NTMT1: variants seen among roughly 807,000 people sequenced by gnomAD.
NTMT1 encodes the protein N-terminal RCC1 methyltransferase.
In NTMT1, 8 loss-of-function variants were observed where a neutral mutation model predicts 17.5. The observed-to-expected ratio is 0.46, with a 90% confidence interval of 0.27 to 0.82. The LOEUF is 0.82. Among genes scored for constraint, NTMT1 ranks in the 40% least tolerant of loss-of-function variants. NTMT1 has a pLI of 0.15. For synonymous variants in NTMT1, 128 were observed against 126.8 expected (o/e 1.01, Z -0.06); for missense variants, 221 against 303.5 (o/e 0.73, Z 2.02).
In NTMT1 at chr9:129,613,613, C is replaced by G; in HGVS notation, c.-55+4435C>G. 6.2e-7 allele frequency: 1 copy of G among 1,613,902 alleles called. No homozygotes were observed. Among genetic ancestry groups the G allele is most frequent in the Non-Finnish European group, 8.5e-7 (1 of 1,179,954 alleles). Reference sequence around the variant, plus strand: ...CTCTGTTGGACTGCAGGAAAGAGGGCAGGGTGAGATCTCTGCCCAGGAGGA... The same window carrying G: ...CTCTGTTGGACTGCAGGAAAGAGGGGAGGGTGAGATCTCTGCCCAGGAGGA... On this transcript the variant is annotated intron_variant, in intron 1 of 3. Transcript: ENST00000372486. This position sits in a 1 kb window ranked among gnomAD's most constrained non-coding sequence, Gnocchi z 6.2.
At chr9:129,625,385 G>GA (rs1475657920), upstream of NTMT1, among the ~76,000 whole-genome samples, 1 of 152,156 alleles carries the variant, frequency 6.6e-6, no homozygotes, top group African/African-American at 2.4e-5. Context: ...GGGTGGATTT[G>GA]AGGACCAATG....
In NTMT1 at chr9:129,632,744, C is replaced by T. The variant is rs760964778; in HGVS notation, c.41C>T (p.Ser14Phe). The T allele has an allele frequency of 4.3e-6, 7 of 1,614,156 alleles. No homozygotes were observed. Among genetic ancestry groups the T allele is most frequent in the Non-Finnish European group, 5.9e-6 (7 of 1,180,032 alleles). ...ATAGAAGACGAGAAGCAATTCTATT[C>T]CAAGGCCAAGACCTACTGGAAACAA... is the stretch of plus-strand genomic sequence containing the variant. The part of the protein sequence containing the change: ...EVIEDEKQFY[S>F]KAKTYWKQIP... Residue 14 changes from serine to phenylalanine, a missense_variant, in exon 2 of 4, where the codon TCC becomes TTC. Ser to Phe is a radical substitution (Grantham distance 155, BLOSUM62 -2). Transcript: ENST00000372483.
At chr9:129,617,884 A>G (rs955216317) in intron 1 of NTMT1, among the ~76,000 whole-genome samples, 1 of 152,080 alleles carries the variant, frequency 6.6e-6, no homozygotes, top group Non-Finnish European at 1.5e-5. Context: ...GGGTTTCACC[A>G]TGTTACCAAG....
intron 1 of NTMT1, among the ~76,000 whole-genome samples, chr9:129,628,882 C>A (rs534409165): frequency 6.6e-6 from 1 of 152,222 alleles, no homozygotes; most frequent in Non-Finnish European, 1.5e-5. Flanking sequence ...GAATACAAAA[C>A]CTTCAGTTTG....
intron 1 of NTMT1, among the ~76,000 whole-genome samples, chr9:129,626,880 G>A (rs1171811593): frequency 6.6e-6 from 1 of 152,218 alleles, no homozygotes; most frequent in African/African-American, 2.4e-5. Flanking sequence ...CCAACTGTGT[G>A]ATCTCTCCCT....
chr9:129,631,500 TTCTC>T (rs1831162520), intron 1 of NTMT1, among the ~76,000 whole-genome samples: 1 of 152,280 alleles, frequency 6.6e-6, no homozygotes, highest in East Asian at 1.9e-4. Flanking sequence ...GGCTTTCTAG[TTCTC>T]TCTCCTTCTA....
intron 3 of NTMT1, 176 bp from the exon 4 acceptor site, chr9:129,635,032 C>G (rs1831448313): frequency 2.8e-6 from 2 of 719,978 alleles, no homozygotes; most frequent in Non-Finnish European, 4.5e-6. Context: ...CCACAGTTTC[C>G]TATTCTATGA....
Position 129,613,544 on chromosome 9 carries a change from G to A in NTMT1, c.-55+4366G>A, listed in dbSNP as rs150697927. ...CGTTTTCCGACACTCCCAAACACCCGCTCGGACGCCACTGGCAGGGCGGCC... is the reference window on the plus strand; with the variant it reads ...CGTTTTCCGACACTCCCAAACACCCACTCGGACGCCACTGGCAGGGCGGCC... On this transcript the variant is annotated intron_variant, in intron 1 of 3. Coordinates refer to the NTMT1 transcript ENST00000372486. This position sits in a 1 kb window ranked among gnomAD's most constrained non-coding sequence, Gnocchi z 6.2. The A allele has an allele frequency of 8.1e-6, 13 of 1,614,134 alleles. No homozygotes were observed. The highest frequency in any genetic ancestry group is 4.4e-5 in the South Asian group (4 of 91,086).
At chr9:129,622,714 A>G (rs1412723341), upstream of NTMT1, among the ~76,000 whole-genome samples, 1 of 151,952 alleles carries the variant, frequency 6.6e-6, no homozygotes, top group Non-Finnish European at 1.5e-5. Context: ...TACACAGATC[A>G]TTTGAGACTC....
At chr9:129,622,260 A>C (rs372499057), upstream of NTMT1, among the ~76,000 whole-genome samples, 12 of 152,336 alleles carry the variant, frequency 7.9e-5, no homozygotes, top group South Asian at 2.5e-3. Flanking sequence ...TGGGAGGCCG[A>C]GGCGGGCGGA....
intron 1 of NTMT1, among the ~76,000 whole-genome samples, chr9:129,611,043 T>C (rs1442214880): frequency 6.6e-6 from 1 of 152,160 alleles, no homozygotes; most frequent in Non-Finnish European, 1.5e-5. Flanking sequence ...AGAGTTTGTC[T>C]AAACTAACCC....
intron 1 of NTMT1, among the ~76,000 whole-genome samples, chr9:129,632,249 G>C (rs1045376493): frequency 1.3e-5 from 2 of 152,154 alleles, no homozygotes; most frequent in Non-Finnish European, 2.9e-5. Context: ...AGGACTTCAA[G>C]ACCAACCTTT....
upstream of NTMT1, among the ~76,000 whole-genome samples, chr9:129,623,037 A>T (rs1433556903): frequency 1.3e-5 from 2 of 150,832 alleles, no homozygotes; most frequent in African/African-American, 4.9e-5. Flanking sequence ...TCCATAAAAA[A>T]AAAAAGAAAG....
At chr9:129,619,196 C>T (rs955892793) in intron 1 of NTMT1, among the ~76,000 whole-genome samples, 1 of 151,988 alleles carries the variant, frequency 6.6e-6, no homozygotes, top group Non-Finnish European at 1.5e-5. Context: ...GATTCATGAA[C>T]GGGTTGTAGA....
chr9:129,611,611 C>T (rs1830116902), intron 1 of NTMT1, among the ~76,000 whole-genome samples: 1 of 152,100 alleles, frequency 6.6e-6, no homozygotes, highest in Non-Finnish European at 1.5e-5. Context: ...CAGATGGAGG[C>T]TTGGTGGGGG....
chr9:129,613,700 T>A lies in NTMT1; in HGVS notation c.-55+4522T>A. 1 of 1,434,842 alleles carries A rather than the reference T, an allele frequency of 7.0e-7. No homozygotes were observed. 88.9% of individuals were successfully genotyped at this position (1,434,842 alleles called of 1,614,324 possible). A position where few individuals can be genotyped will look rare whatever the true frequency, so the allele number is the denominator to read the frequency against. ...GCAGGCAGGGCCGGTCAGAGCCCTGTCTCCATGGCAACCCCAGGCTCCCCA... is the reference window on the plus strand; with the variant it reads ...GCAGGCAGGGCCGGTCAGAGCCCTGACTCCATGGCAACCCCAGGCTCCCCA... On this transcript the variant is annotated intron_variant, in intron 1 of 3. Coordinates refer to the NTMT1 transcript ENST00000372486. The surrounding 1 kb of genome is among the most constrained non-coding windows in gnomAD (Gnocchi z 6.2).
chr9:129,635,469 G>A lies in NTMT1; in HGVS notation c.*5G>A, dbSNP rs761847792. On this transcript the variant is annotated 3_prime_UTR_variant, in exon 4 of 4. Transcript: ENST00000372483. ...TATAGCTTTGCCCTGAGATGAGCCG[G>A]GGCTGGCAGGAGAAACTGAGGAACC... 1.2e-6 allele frequency: 2 copies of A among 1,601,942 alleles called. No homozygotes were observed. The highest frequency in any genetic ancestry group is 4.5e-5 in the East Asian group (2 of 44,562).
At chr9:129,633,024 A>C in intron 2 of NTMT1, 159 bp downstream of exon 2, 1 of 755,734 alleles carries the variant, frequency 1.3e-6, no homozygotes, top group Non-Finnish European at 2.1e-6. Flanking sequence ...GGGTGGGCAC[A>C]GTGGGGTAAC....
rs535635348 is a variant in NTMT1 at position 129,613,586 on chromosome 9, C to T, written c.-55+4408C>T. On this transcript the variant is annotated intron_variant, in intron 1 of 3. Transcript: ENST00000372486. This position sits in a 1 kb window ranked among gnomAD's most constrained non-coding sequence, Gnocchi z 6.2. ...AGGGCGGCCTTCTGGTTCACAATGA[C>T]GCTCTGTTGGACTGCAGGAAAGAGG... 30 of 1,614,154 alleles carry T rather than the reference C, an allele frequency of 1.9e-5. No homozygotes were observed. The highest frequency in any genetic ancestry group is 2.3e-5 in the Non-Finnish European group (27 of 1,180,022).
Sources: allele counts gnomAD v4.1 joint callset (sites outside exome capture counted in the v4.1 genomes callset), GRCh38; gene constraint gnomAD v4.1.1; non-coding constraint Gnocchi (gnomAD v3.1); transcripts MANE v1.5; gene names NCBI Gene and HGNC (gene_info 2026-07-23, HGNC 2026-07-21).